The following MYO3A variants were observed in gnomAD, a reference collection of about 807,000 sequenced individuals.
The protein encoded by MYO3A is myosin IIIA, also known as myosin-IIIa.
Under a neutral mutation model 192.7 loss-of-function variants are expected in MYO3A, and 180 were observed. The observed-to-expected ratio is 0.93, with a 90% CI of 0.83 to 1.06. MYO3A has a LOEUF of 1.06. Among genes scored for constraint, MYO3A ranks in the 50% least tolerant of loss-of-function variants. The pLI, the probability that MYO3A is intolerant of heterozygous loss-of-function variation, is 0.00. For synonymous variants in MYO3A, 628 were observed against 645.3 expected (o/e 0.97, Z 0.41); for missense variants, 1,896 against 1,905.0 (o/e 1.00, Z 0.09).
rs763714746 is a variant in MYO3A at position 26,153,935 on chromosome 10, A to G, written c.2715+6A>G. 3.2e-6 allele frequency: 5 copies of G among 1,573,284 alleles called. No individual in the cohort carries two copies. Among genetic ancestry groups the G allele is most frequent in the Non-Finnish European group, 2.6e-6 (3 of 1,143,346 alleles). ...AATTAATCAACCTGGCAAAGGTAAG[A>G]AAATGCTTTTTTTCTTGGCAGTGAG... On this transcript the variant is annotated splice_donor_region_variant and intron_variant, in intron 24 of 34. Coordinates refer to ENST00000642920, the MANE Select transcript of MYO3A (RefSeq NM_017433.5).
intron 6 of MYO3A, among the ~76,000 whole-genome samples, chr10:26,008,445 C>G (rs370208326): frequency 1.3e-5 from 2 of 148,226 alleles, no homozygotes; most frequent in African/African-American, 5.2e-5. Context: ...AGTGAACAGG[C>G]AACCTACAAA....
At position 26,032,715 on chromosome 10, in the gene MYO3A, C is replaced by G. The variant is rs570444290; in HGVS notation, c.953+6183C>G. On this transcript the variant is annotated intron_variant, in intron 10 of 34. Coordinates refer to ENST00000642920, the MANE Select transcript of MYO3A (RefSeq NM_017433.5). ...GGACTTTATGTAATGTAAATTCGCT[C>G]AAATAGGATTTTGATTTTACAAAAC... Among the ~76,000 whole-genome samples, 9 of 151,494 alleles carry G rather than the reference C, an allele frequency of 5.9e-5. No homozygotes were observed. In the East Asian group the frequency reaches 1.6e-3, roughly 26 times the overall value.
chr10:26,149,398 C>G (rs918297529), intron 23 of MYO3A, among the ~76,000 whole-genome samples: 9 of 152,016 alleles, frequency 5.9e-5, no homozygotes, highest in African/African-American at 1.9e-4. Flanking sequence ...CCACGCCCAA[C>G]TAATTTTTGT....
At chr10:26,152,256 T>A (rs1840837197) in intron 23 of MYO3A, among the ~76,000 whole-genome samples, 1 of 152,254 alleles carries the variant, frequency 6.6e-6, no homozygotes, top group Non-Finnish European at 1.5e-5. Context: ...GTAATAATAA[T>A]CATAGACAAC....
chr10:26,067,041 A>G lies in MYO3A; in HGVS notation c.1020A>G (p.Val340=), dbSNP rs769036500. Residue 340 remains valine (V), a synonymous_variant, in exon 11 of 35, where the codon GTA becomes GTG. Transcript: ENST00000642920. Reference sequence around the variant, plus strand: ...CTCTAATATCCAATCTGAAGGATGTAGATGATTTAGCAACCCTAGAAATTT... The same window carrying G: ...CTCTAATATCCAATCTGAAGGATGTGGATGATTTAGCAACCCTAGAAATTT... ...NRPLISNLKD[V]DDLATLEILD... The G allele has an allele frequency of 2.5e-6, 4 of 1,612,700 alleles. No homozygotes were observed. Among genetic ancestry groups the G allele is most frequent in the Non-Finnish European group, 3.4e-6 (4 of 1,178,744 alleles).
At chr10:26,026,649 A>C (rs1302208762) in intron 10 of MYO3A, 117 bp downstream of exon 10, 1 of 1,168,394 alleles carries the variant, frequency 8.6e-7, no homozygotes, top group African/African-American at 1.5e-5. Context: ...GACTTACATG[A>C]AAAGTGAATG....
chr10:26,026,399 A>G lies in MYO3A; in HGVS notation c.820A>G (p.Lys274Glu). 1.2e-6 allele frequency: 2 copies of G among 1,614,136 alleles called. No homozygotes were observed. The highest frequency in any genetic ancestry group is 8.5e-7 in the Non-Finnish European group (1 of 1,179,994). Residue 274 changes from lysine to glutamate, a missense_variant, in exon 10 of 35, where the codon AAG becomes GAG. By Grantham distance (56) the Lys-to-Glu change is moderately conservative. Transcript: ENST00000642920. ...ISKCLTKDYE[K>E]RPTVSELLQH... is the part of the protein sequence containing the mutation. ...CAGGTGCTTGACTAAAGATTATGAA[A>G]AGCGTCCAACAGTGTCAGAACTTTT... is the stretch of plus-strand genomic sequence containing the variant.
rs1243972185 is a variant in MYO3A at position 26,021,522 on chromosome 10, A to G, written c.605A>G (p.Gln202Arg). The G allele has an allele frequency of 1.9e-6, 3 of 1,614,142 alleles. No homozygotes were observed. Among genetic ancestry groups the G allele is most frequent in the Non-Finnish European group, 2.5e-6 (3 of 1,179,978 alleles). Residue 202 changes from glutamine to arginine, a missense_variant, in exon 8 of 35, where the codon CAA (glutamine) becomes CGA (arginine). Coordinates refer to ENST00000642920, the MANE Select transcript of MYO3A (RefSeq NM_017433.5). ...TACTAGGTGATTGCATGTGAACAGC[A>G]ATTGGATACCACTTATGACGCCAGA... ...MAPEVIACEQ[Q>R]LDTTYDARCD...
chr10:26,113,476 C>CAAAAAA (rs5783961), intron 17 of MYO3A, among the ~76,000 whole-genome samples: 1 of 138,168 alleles, frequency 7.2e-6, no homozygotes. Flanking sequence ...CTCAAAAAAA[C>CAAAAAA]AAAAAAAAAA....
Position 26,086,712 on chromosome 10 carries a change from A to G in MYO3A, c.1360-1491A>G, listed in dbSNP as rs1836344126. ...TCAACCACCCTCTCCTTACTTCTAG[A>G]AGTATCATTCTAAAAGGTTTTAACA... is the stretch of plus-strand genomic sequence containing the variant. On this transcript the variant is annotated intron_variant, in intron 14 of 34. Transcript: ENST00000642920. Among the ~76,000 whole-genome samples the G allele has an allele frequency of 2.0e-5, 3 of 152,070 alleles. No individual in the cohort carries two copies. The South Asian group carries it at 6.2e-4, about 32-fold the overall frequency.
At chr10:26,105,252 T>C (rs1837725315) in intron 17 of MYO3A, among the ~76,000 whole-genome samples, 1 of 152,066 alleles carries the variant, frequency 6.6e-6, no homozygotes, top group Admixed American at 6.6e-5. Flanking sequence ...GGTTAAAAGG[T>C]GTATATTTTT....
At chr10:26,023,501 A>G (rs17666101) in intron 8 of MYO3A, 2,985 of 154,632 alleles carry the variant, frequency 0.019, 50 homozygotes, top group Non-Finnish European at 0.029. Context: ...TTTATCGCTA[A>G]TAGTATTTTT....
At chr10:26,118,663 A>G (rs1025047739) in intron 17 of MYO3A, among the ~76,000 whole-genome samples, 2 of 149,150 alleles carry the variant, frequency 1.3e-5, no homozygotes, top group Non-Finnish European at 1.5e-5. Flanking sequence ...TCCCAGTCTC[A>G]CTCTGTCACC....
chr10:26,034,138 T>G (rs1564478767), intron 10 of MYO3A, among the ~76,000 whole-genome samples: 1 of 152,220 alleles, frequency 6.6e-6, no homozygotes, highest in African/African-American at 2.4e-5. Flanking sequence ...ACAGCAATAA[T>G]TTTGGATTCA....
chr10:26,096,125 C>T (rs772054684), intron 15 of MYO3A, among the ~76,000 whole-genome samples: 16 of 152,178 alleles, frequency 1.1e-4, no homozygotes, highest in Non-Finnish European at 2.1e-4. Flanking sequence ...TCCCCAGCGC[C>T]TGGAACAGTG....
intron 2 of MYO3A, among the ~76,000 whole-genome samples, chr10:25,937,631 T>G (rs1267132117): frequency 6.6e-6 from 1 of 152,200 alleles, no homozygotes; most frequent in Non-Finnish European, 1.5e-5. Context: ...TAACACCACC[T>G]TTTAAAGATG....
At chr10:26,075,026 C>T (rs1835442389) in intron 14 of MYO3A, among the ~76,000 whole-genome samples, 1 of 151,912 alleles carries the variant, frequency 6.6e-6, no homozygotes, top group South Asian at 2.1e-4. Flanking sequence ...CTCTTAGTGC[C>T]CCTGTCAAAA....
rs535375158 is a variant in MYO3A at position 26,090,366 on chromosome 10, G to A, written c.1562+1961G>A. On this transcript the variant is annotated intron_variant, in intron 15 of 34. Transcript: ENST00000642920. ...TATCATTAATGCTTACTGAAATATC[G>A]TAGGATGCATTCTAAGAAATAGCAT... Among the ~76,000 whole-genome samples, 162 of 152,260 alleles carry A rather than the reference G, an allele frequency of 1.1e-3. 1 individual carries two copies. Among genetic ancestry groups the A allele is most frequent in the Admixed American group, 6.4e-3 (98 of 15,292 alleles).
intron 4 of MYO3A, among the ~76,000 whole-genome samples, chr10:25,957,539 G>A (rs1406509467): frequency 6.6e-6 from 1 of 152,134 alleles, no homozygotes; most frequent in East Asian, 1.9e-4. Flanking sequence ...GAATAGTGTT[G>A]CAATGAACAT....
Sources: gnomAD v4.1 joint callset for allele counts (sites outside exome capture counted in the v4.1 genomes callset) on GRCh38, gnomAD v4.1.1 for gene constraint, MANE v1.5 for transcripts, NCBI Gene and HGNC (gene_info 2026-07-23, HGNC 2026-07-21) for gene names.